Variants in TXNDC8 observed in about 807,000 individuals in gnomAD.
TXNDC8 encodes thioredoxin domain containing 8.
In TXNDC8, 15 loss-of-function variants were observed where a neutral mutation model predicts 12.9. That is an observed-to-expected ratio of 1.16 (90% confidence interval 0.78 to 1.79). The LOEUF (loss-of-function observed/expected upper bound fraction) is 1.79. Among genes scored for constraint, TXNDC8 ranks in the 40% most tolerant of loss-of-function variants. The probability of loss-of-function intolerance (pLI) is 0.00; values close to 1 mark genes in which losing one functional copy is unlikely to be tolerated. For missense variants in TXNDC8, 128 were observed against 113.2 expected (o/e 1.13, Z -0.59); for synonymous variants, 40 against 35.4 (o/e 1.13, Z -0.46).
At chr9:110,323,249 T>C (rs1388294723) in intron 3 of TXNDC8, 3 of 985,188 alleles carry the variant, frequency 3.0e-6, no homozygotes, top group African/African-American at 1.7e-5. Flanking sequence ...AGAGGTAGAA[T>C]GGGAAATGGA....
intron 3 of TXNDC8, among the ~76,000 whole-genome samples, chr9:110,314,428 T>TC (rs1838800624): frequency 7.1e-6 from 1 of 140,210 alleles, no homozygotes; most frequent in African/African-American, 2.8e-5. Flanking sequence ...TCTTTTTCTT[T>TC]TTCTTTTTTC....
chr9:110,328,363 G>T (rs1171942097), intron 2 of TXNDC8, among the ~76,000 whole-genome samples: 1 of 152,166 alleles, frequency 6.6e-6, no homozygotes, highest in African/African-American at 2.4e-5. Flanking sequence ...GGGGGGATGG[G>T]ATGAGGAAGG....
At chr9:110,305,098 C>T (rs769176110) in intron 3 of TXNDC8, among the ~76,000 whole-genome samples, 4 of 126,618 alleles carry the variant, frequency 3.2e-5, no homozygotes, top group South Asian at 2.5e-4. Flanking sequence ...CAGTGAGCCA[C>T]GATCAAGCCA....
At chr9:110,333,968 T>C (rs957958176) in intron 2 of TXNDC8, among the ~76,000 whole-genome samples, 1 of 152,234 alleles carries the variant, frequency 6.6e-6, no homozygotes, top group African/African-American at 2.4e-5. Context: ...TTTGTACAAT[T>C]GGACTCCTTT....
chr9:110,337,115 C>A (rs1221386675), intron 1 of TXNDC8, among the ~76,000 whole-genome samples: 1 of 152,174 alleles, frequency 6.6e-6, no homozygotes, highest in Non-Finnish European at 1.5e-5. Flanking sequence ...TGTCACAAGT[C>A]TAAATCTGAG....
At chr9:110,321,221 G>A (rs560647965) in intron 3 of TXNDC8, among the ~76,000 whole-genome samples, 1 of 152,298 alleles carries the variant, frequency 6.6e-6, no homozygotes, top group East Asian at 1.9e-4. Context: ...GATAGGGAGT[G>A]CCAGGAAACT....
chr9:110,314,425 CT>C (rs199602950), intron 3 of TXNDC8, among the ~76,000 whole-genome samples: 3 of 142,872 alleles, frequency 2.1e-5, no homozygotes, highest in African/African-American at 8.1e-5. Context: ...TTTTCTTTTT[CT>C]TTTTCTTTTT....
At chr9:110,310,148 T>C (rs1470952052) in intron 3 of TXNDC8, among the ~76,000 whole-genome samples, 4 of 152,064 alleles carry the variant, frequency 2.6e-5, no homozygotes, top group African/African-American at 9.7e-5. Flanking sequence ...AAAAGAGTCC[T>C]AGGATCCATC....
At chr9:110,327,677 A>C (rs2118843723) in intron 2 of TXNDC8, among the ~76,000 whole-genome samples, 1 of 152,314 alleles carries the variant, frequency 6.6e-6, no homozygotes, top group African/African-American at 2.4e-5. Flanking sequence ...ATGCAGTGAA[A>C]GCAGCCAGAG....
intron 3 of TXNDC8, among the ~76,000 whole-genome samples, chr9:110,314,960 G>GTGGC (rs1838829694): frequency 6.6e-6 from 1 of 152,208 alleles, no homozygotes; most frequent in South Asian, 2.1e-4. Context: ...AGAATGGGGT[G>GTGGC]TGGCTGTCCA....
intron 3 of TXNDC8, among the ~76,000 whole-genome samples, chr9:110,313,552 T>C (rs1838768102): frequency 6.6e-6 from 1 of 152,022 alleles, no homozygotes; most frequent in Non-Finnish European, 1.5e-5. Context: ...AATACAAAAA[T>C]TAGCCAGGCG....
intron 3 of TXNDC8, among the ~76,000 whole-genome samples, chr9:110,318,305 C>T (rs1295639814): frequency 1.3e-5 from 2 of 152,182 alleles, no homozygotes; most frequent in South Asian, 4.1e-4. Context: ...GTATTCTTTG[C>T]TGTACTAAAT....
intron 3 of TXNDC8, among the ~76,000 whole-genome samples, chr9:110,316,018 C>T (rs1159524612): frequency 6.6e-6 from 1 of 151,896 alleles, no homozygotes. Flanking sequence ...CTGCCTCACA[C>T]TCCTGAGTAG....
intron 2 of TXNDC8, 116 bp from the exon 3 acceptor site, chr9:110,329,407 A>G: frequency 1.3e-6 from 1 of 745,616 alleles, no homozygotes; most frequent in Non-Finnish European, 2.2e-6. Flanking sequence ...AAAGAGGACT[A>G]AGCATCATTC....
chr9:110,314,173 C>G (rs1838790769), intron 3 of TXNDC8, among the ~76,000 whole-genome samples: 1 of 152,136 alleles, frequency 6.6e-6, no homozygotes, highest in African/African-American at 2.4e-5. Flanking sequence ...TCAAAGAAGG[C>G]AACCATTTGT....
chr9:110,323,839 A>G, intron 3 of TXNDC8: 1 of 1,545,166 alleles, frequency 6.5e-7, no homozygotes, highest in Non-Finnish European at 8.7e-7. Context: ...TATCTTCCCA[A>G]ATTCAAATCC....
Position 110,317,775 on chromosome 9 carries a change from T to C in TXNDC8, c.195+8400A>G, listed in dbSNP as rs148872930. Among the ~76,000 whole-genome samples the C allele has an allele frequency of 3.4e-3, 520 of 152,356 alleles. 12 individuals are homozygous for C. Among genetic ancestry groups the C allele is most frequent in the Admixed American group, 0.029 (437 of 15,300 alleles). On this transcript the variant is annotated intron_variant, in intron 3 of 4. Coordinates refer to ENST00000423740, the MANE Select transcript of TXNDC8 (RefSeq NM_001286946.2). ...CTTATAATAAAGGTGATATTGTGAT[T>C]AGCCACGTGACTCCTTGGGAGAAAA...
chr9:110,313,820 T>G (rs1214336682), intron 3 of TXNDC8, among the ~76,000 whole-genome samples: 1 of 152,208 alleles, frequency 6.6e-6, no homozygotes, highest in African/African-American at 2.4e-5. Flanking sequence ...TTTCTTTTCA[T>G]AGGATGTGAG....
intron 3 of TXNDC8, among the ~76,000 whole-genome samples, chr9:110,311,736 A>G: frequency 1.4e-5 from 2 of 141,718 alleles, no homozygotes; most frequent in East Asian, 2.0e-4. Flanking sequence ...TATATACTAT[A>G]TATACACTAT....
Sources: allele counts gnomAD v4.1 joint callset (sites outside exome capture counted in the v4.1 genomes callset), GRCh38; gene constraint gnomAD v4.1.1; transcripts MANE v1.5; gene names NCBI Gene and HGNC (gene_info 2026-07-23, HGNC 2026-07-21).